FNIP2: variants seen among roughly 807,000 people sequenced by gnomAD.
FNIP2 encodes folliculin interacting protein 2.
A neutral mutation model predicts 108.7 loss-of-function variants in FNIP2; 32 were observed. The observed-to-expected ratio is 0.29, with a 90% CI of 0.22 to 0.40. The LOEUF is 0.40. Among genes scored for constraint, FNIP2 ranks in the 10% least tolerant of loss-of-function variants. FNIP2 has a pLI of 1.00. For synonymous variants in FNIP2, 480 were observed against 496.7 expected, an observed-to-expected ratio of 0.97 and a Z score of 0.45; for missense variants, 1,202 against 1,381.6, an observed-to-expected ratio of 0.87 and a Z score of 2.06.
chr4:158,809,058 A>C (rs1777127934), intron 1 of FNIP2, among the ~76,000 whole-genome samples: 1 of 152,154 alleles, frequency 6.6e-6, no homozygotes, highest in South Asian at 2.1e-4. Context: ...TTGGGGTTCA[A>C]TTCATTTCAC....
intron 2 of FNIP2, among the ~76,000 whole-genome samples, chr4:158,828,717 C>T (rs1778294471): frequency 6.6e-6 from 1 of 152,120 alleles, no homozygotes; most frequent in Admixed American, 6.5e-5. Flanking sequence ...GATTTGAAGC[C>T]TCATCTTTCT....
chr4:158,868,671 C>A lies in FNIP2; in HGVS notation c.2035C>A (p.Gln679Lys). ...EVLGAGMKMD[Q>K]QAVCELLKVE... ...TTTGGGGGCAGGAATGAAGATGGACCAGCAAGCTGTCTGTGAGCTGTTGAA... is the reference window on the plus strand; with the variant it reads ...TTTGGGGGCAGGAATGAAGATGGACAAGCAAGCTGTCTGTGAGCTGTTGAA... Residue 679 changes from glutamine (Q) to lysine (K), a missense_variant, in exon 13 of 17, where the codon CAG (glutamine) becomes AAG (lysine). Physicochemically the swap from Gln to Lys is moderately conservative, Grantham distance 53 (BLOSUM62 1). This residue lies in a region of FNIP2 where 878 missense variants were observed against 990.3 expected (regional missense o/e 0.89). Coordinates refer to ENST00000264433, the MANE Select transcript of FNIP2 (RefSeq NM_020840.3). The surrounding 1 kb of genome is among the most constrained non-coding windows in gnomAD (Gnocchi z 4.6). 6.2e-7 allele frequency: 1 copy of A among 1,614,010 alleles called. No individual in the cohort carries two copies. Among genetic ancestry groups the A allele is most frequent in the Non-Finnish European group, 8.5e-7 (1 of 1,179,896 alleles).
intron 8 of FNIP2, among the ~76,000 whole-genome samples, chr4:158,855,151 C>G (rs1298535122): frequency 6.6e-6 from 1 of 152,086 alleles, no homozygotes; most frequent in African/African-American, 2.4e-5. Flanking sequence ...ACTCAGCATA[C>G]CAAAGTGTCA....
Position 158,905,016 on chromosome 4 carries a change from G to T in FNIP2, c.*472G>T, listed in dbSNP as rs1729709127. 6.5e-6 allele frequency: 1 copy of T among 153,556 alleles called. No homozygotes were observed. The highest frequency in any genetic ancestry group is 1.9e-4 in the East Asian group (1 of 5,260). 9.5% of individuals were successfully genotyped at this position (153,556 alleles called of 1,614,324 possible). On this transcript the variant is annotated 3_prime_UTR_variant, in exon 17 of 17. Coordinates refer to ENST00000264433, the MANE Select transcript of FNIP2 (RefSeq NM_020840.3). ...AGACAACAATCAGAATACAGACTTT[G>T]GATTCCAGGTCACAGTTTGCTTTTT...
At chr4:158,776,037 A>T (rs1775849508) in intron 1 of FNIP2, among the ~76,000 whole-genome samples, 1 of 152,218 alleles carries the variant, frequency 6.6e-6, no homozygotes, top group South Asian at 2.1e-4. Context: ...CACACCTAAG[A>T]CTTTTTAATC....
At chr4:158,865,888 T>C (rs1458682240) in intron 12 of FNIP2, among the ~76,000 whole-genome samples, 2 of 152,088 alleles carry the variant, frequency 1.3e-5, no homozygotes, top group Non-Finnish European at 2.9e-5. Flanking sequence ...ATCTAGTCAT[T>C]TTATAGAGAG....
intron 16 of FNIP2, among the ~76,000 whole-genome samples, chr4:158,901,235 G>A (rs1729234827): frequency 6.7e-6 from 1 of 148,378 alleles, no homozygotes. Context: ...CCAGGTTTAA[G>A]CAATTCTCTG....
rs116598884 is a variant in FNIP2 at position 158,871,014 on chromosome 4, C to T, written c.2949+545C>T. On this transcript the variant is annotated intron_variant, in intron 14 of 16. Coordinates refer to ENST00000264433, the MANE Select transcript of FNIP2 (RefSeq NM_020840.3). The stretch of plus-strand genomic sequence containing the variant: ...AGATGGTGACAATTATATGCCGTCA[C>T]GGTGAGGACCGAAGAGGTGTCACAT... 3.2e-3 allele frequency among the ~76,000 whole-genome samples: 481 copies of T among 152,332 alleles called. 4 individuals carry two copies. Among genetic ancestry groups the T allele is most frequent in the African/African-American group, 0.011 (461 of 41,564 alleles).
chr4:158,818,267 G>A (rs1269075865), intron 1 of FNIP2, among the ~76,000 whole-genome samples: 3 of 152,170 alleles, frequency 2.0e-5, no homozygotes, highest in African/African-American at 7.2e-5. Flanking sequence ...TGTTTTAGTG[G>A]CAAGGAGGGG....
intron 8 of FNIP2, among the ~76,000 whole-genome samples, chr4:158,851,974 G>C (rs915346226): frequency 2.6e-5 from 4 of 152,174 alleles, no homozygotes; most frequent in Non-Finnish European, 5.9e-5. Flanking sequence ...ATGTACATTT[G>C]ATGTTACATT....
At chr4:158,838,696 A>G (rs1778950829) in intron 7 of FNIP2, among the ~76,000 whole-genome samples, 1 of 152,194 alleles carries the variant, frequency 6.6e-6, no homozygotes, top group African/African-American at 2.4e-5. Context: ...TTAGTATGGT[A>G]TATTTGTTAC....
chr4:158,778,753 G>A (rs765231536), intron 1 of FNIP2, among the ~76,000 whole-genome samples: 2 of 152,224 alleles, frequency 1.3e-5, no homozygotes, highest in African/African-American at 4.8e-5. Context: ...TCCACTGGAA[G>A]TCTTGAAAGG....
Position 158,905,515 on chromosome 4 carries a change from G to C in FNIP2, c.*971G>C, listed in dbSNP as rs1579024281. The C allele has an allele frequency of 6.6e-6, 1 of 152,236 alleles. No homozygotes were observed. Among genetic ancestry groups the C allele is most frequent in the Non-Finnish European group, 1.5e-5 (1 of 68,008 alleles). The allele number at this position is 152,236 out of a possible 1,614,324, so 9.4% of individuals were successfully genotyped here. A position where few individuals can be genotyped will look rare whatever the true frequency, so the allele number is the denominator to read the frequency against. On this transcript the variant is annotated 3_prime_UTR_variant, in exon 17 of 17. Transcript: ENST00000264433. Reference sequence around the variant, plus strand: ...CTGGTGGGAAATGAAACCTGCAGCAGTTCAGGATGACTAATGAAAGCAATT... The same window carrying C: ...CTGGTGGGAAATGAAACCTGCAGCACTTCAGGATGACTAATGAAAGCAATT...
intron 14 of FNIP2, among the ~76,000 whole-genome samples, chr4:158,881,258 CCT>C (rs1192378176): frequency 6.9e-6 from 1 of 144,392 alleles, no homozygotes; most frequent in South Asian, 2.3e-4. Flanking sequence ...TCTCCCTCTC[CCT>C]CTCTTTCCAC....
At chr4:158,902,158 C>T (rs571635223) in intron 16 of FNIP2, among the ~76,000 whole-genome samples, 1 of 152,196 alleles carries the variant, frequency 6.6e-6, no homozygotes, top group African/African-American at 2.4e-5. Flanking sequence ...TGGTGACCTT[C>T]GGATGGGGTC....
At chr4:158,798,405 A>G (rs979460159) in intron 1 of FNIP2, among the ~76,000 whole-genome samples, 1 of 152,114 alleles carries the variant, frequency 6.6e-6, no homozygotes, top group Non-Finnish European at 1.5e-5. Flanking sequence ...CTCTCCATAT[A>G]TAAGAGATGG....
intron 1 of FNIP2, among the ~76,000 whole-genome samples, chr4:158,812,922 ACTTGT>A (rs780295854): frequency 1.9e-4 from 29 of 151,146 alleles, no homozygotes; most frequent in Admixed American, 1.3e-3. Flanking sequence ...CCAGGCAACC[ACTTGT>A]CTTTTTACTG....
intron 14 of FNIP2, among the ~76,000 whole-genome samples, chr4:158,890,885 G>A (rs1412967700): frequency 6.6e-6 from 1 of 152,160 alleles, no homozygotes; most frequent in East Asian, 1.9e-4. Flanking sequence ...CAGGGAAGGA[G>A]CATCCAGCTG....
intron 1 of FNIP2, among the ~76,000 whole-genome samples, chr4:158,816,786 A>G (rs887840244): frequency 3.4e-5 from 2 of 58,794 alleles, no homozygotes; most frequent in African/African-American, 1.2e-4. Context: ...CTCTGTCTCA[A>G]AAAAAAAAAA....
Sources: gnomAD v4.1 joint callset for allele counts (sites outside exome capture counted in the v4.1 genomes callset) on GRCh38, gnomAD v4.1.1 for gene constraint, gnomAD v4.1.1 regional missense constraint, Gnocchi (gnomAD v3.1) non-coding constraint, MANE v1.5 for transcripts, NCBI Gene and HGNC (gene_info 2026-07-23, HGNC 2026-07-21) for gene names.